LARS2: variants seen among roughly 807,000 people sequenced by gnomAD.
LARS2 encodes leucyl-tRNA synthetase 2, mitochondrial, also known as leucine--tRNA ligase, mitochondrial.
In LARS2, 81 loss-of-function variants were observed where a neutral mutation model predicts 116.6. That is an observed-to-expected ratio of 0.69 (90% CI 0.58 to 0.84). LARS2 has a LOEUF of 0.84. Ranked by LOEUF, LARS2 falls within the 40% of genes least tolerant of loss-of-function variation. The pLI, the probability that LARS2 is intolerant of heterozygous loss-of-function variation, is 0.00. For synonymous variants in LARS2, 396 were observed against 407.2 expected, an observed-to-expected ratio of 0.97 and a Z score of 0.33; for missense variants, 968 against 1,114.5, an observed-to-expected ratio of 0.87 and a Z score of 1.87.
At chr3:45,490,409 G>A (rs1380407078) in intron 12 of LARS2, among the ~76,000 whole-genome samples, 1 of 152,176 alleles carries the variant, frequency 6.6e-6, no homozygotes, top group African/African-American at 2.4e-5. Context: ...GCTCTAGGCT[G>A]AATATCTAGA....
rs772150626 is a variant in LARS2, at chr3:45,394,609, A to G, written c.156A>G (p.Thr52=). The change falls in exon 3 of 22, where the codon ACA becomes ACG. Residue 52 remains threonine, a synonymous_variant. Transcript: ENST00000645846. ...CGGGAAAGTGGACAAAAGAGTATACATTGCAGACAAGAAAGGATGTTGAGA... is the reference window on the plus strand; with the variant it reads ...CGGGAAAGTGGACAAAAGAGTATACGTTGCAGACAAGAAAGGATGTTGAGA... ...SATGKWTKEY[T]LQTRKDVEKW... 5 of 1,614,242 alleles carry G rather than the reference A, an allele frequency of 3.1e-6. No individual in the cohort carries two copies. The highest frequency in any genetic ancestry group is 1.6e-4 in the Middle Eastern group (1 of 6,062).
intron 6 of LARS2, among the ~76,000 whole-genome samples, chr3:45,437,163 A>G (rs1302690223): frequency 1.3e-5 from 2 of 152,234 alleles, no homozygotes; most frequent in African/African-American, 2.4e-5. Context: ...GAACATGAAC[A>G]TGAACCTGTC....
chr3:45,519,946 C>A (rs1448382074), intron 18 of LARS2, among the ~76,000 whole-genome samples: 1 of 152,092 alleles, frequency 6.6e-6, no homozygotes, highest in Non-Finnish European at 1.5e-5. Flanking sequence ...CTGTGCCCAG[C>A]CACTAGCACT....
rs1698012879 is a variant in LARS2 at position 45,394,612 on chromosome 3, G to A, written c.159G>A (p.Leu53=). 1 of 1,614,190 alleles carries A rather than the reference G, an allele frequency of 6.2e-7. No individual in the cohort carries two copies. The part of the protein sequence containing the change: ...ATGKWTKEYT[L]QTRKDVEKWW... The stretch of plus-strand genomic sequence containing the variant: ...GAAAGTGGACAAAAGAGTATACATT[G>A]CAGACAAGAAAGGATGTTGAGAAAT... The change falls in exon 3 of 22, where the codon TTG becomes TTA. Residue 53 remains leucine (L), a synonymous_variant. Transcript: ENST00000645846.
intron 7 of LARS2, among the ~76,000 whole-genome samples, chr3:45,455,417 A>G (rs922282972): frequency 2.0e-5 from 3 of 152,014 alleles, no homozygotes; most frequent in African/African-American, 4.8e-5. Context: ...TTAGTTGTGC[A>G]TGGGTTGTCT....
intron 8 of LARS2, among the ~76,000 whole-genome samples, chr3:45,469,702 T>C (rs183832389): frequency 1.3e-5 from 2 of 151,834 alleles, no homozygotes; most frequent in Non-Finnish European, 2.9e-5. Flanking sequence ...GGGACTAGAG[T>C]GCGAGAGAAA....
intron 6 of LARS2, among the ~76,000 whole-genome samples, chr3:45,439,462 G>A (rs753065310): frequency 1.2e-4 from 18 of 151,854 alleles, no homozygotes; most frequent in South Asian, 4.1e-4. Flanking sequence ...CTCGTGATCC[G>A]CCCACCTTGG....
chr3:45,493,332 C>T (rs1023221779), intron 13 of LARS2, among the ~76,000 whole-genome samples: 3 of 152,212 alleles, frequency 2.0e-5, no homozygotes, highest in African/African-American at 7.2e-5. Context: ...ATCTCCTGAC[C>T]TCGTGTTCTG....
intron 4 of LARS2, 86 bp from the exon 5 acceptor site, chr3:45,417,394 GGA>G (rs1004123407): frequency 2.1e-6 from 2 of 969,324 alleles, no homozygotes; most frequent in African/African-American, 3.2e-5. Flanking sequence ...CATGTTAGCA[GGA>G]GAGAGTGCTG....
At chr3:45,393,279 G>T (rs1559453381) in intron 2 of LARS2, among the ~76,000 whole-genome samples, 1 of 151,986 alleles carries the variant, frequency 6.6e-6, no homozygotes, top group Non-Finnish European at 1.5e-5. Context: ...TAAGTGCTAC[G>T]AAAGAAGGGA....
intron 6 of LARS2, among the ~76,000 whole-genome samples, chr3:45,429,201 G>T (rs1327439761): frequency 6.6e-6 from 1 of 152,170 alleles, no homozygotes; most frequent in Non-Finnish European, 1.5e-5. Flanking sequence ...GACAGTTTCT[G>T]TAGGTCAGAA....
intron 16 of LARS2, among the ~76,000 whole-genome samples, chr3:45,514,551 C>T (rs1293276335): frequency 1.3e-5 from 2 of 152,274 alleles, no homozygotes; most frequent in Middle Eastern, 3.4e-3. Context: ...AGAATTCAGC[C>T]TCACAGTTAG....
chr3:45,466,818 G>A (rs1699432893), intron 8 of LARS2, among the ~76,000 whole-genome samples: 1 of 152,134 alleles, frequency 6.6e-6, no homozygotes, highest in Admixed American at 6.5e-5. Flanking sequence ...CCAGATTCAA[G>A]TGATTCTCCT....
chr3:45,400,161 T>G, intron 3 of LARS2, 84 bp from the exon 4 acceptor site: 1 of 1,210,354 alleles, frequency 8.3e-7, no homozygotes. Context: ...AAATTATTAC[T>G]TTGTGTAAAA....
intron 20 of LARS2, among the ~76,000 whole-genome samples, chr3:45,527,220 T>C (rs536538782): frequency 6.6e-6 from 1 of 152,290 alleles, no homozygotes; most frequent in South Asian, 2.1e-4. Flanking sequence ...TGTTATATAA[T>C]GAATTTGGGC....
Position 45,458,891 on chromosome 3 carries a change from G to A in LARS2, c.750+5G>A. ...AAGACAACCGCTTATGCAAAGGTGA[G>A]TGTCAGCCTGGAGGCTCCCCACTAA... On this transcript the variant is annotated splice_donor_5th_base_variant and intron_variant, in intron 8 of 21. Coordinates refer to ENST00000645846, the MANE Select transcript of LARS2 (RefSeq NM_015340.4). 4 of 1,613,832 alleles carry A rather than the reference G, an allele frequency of 2.5e-6. No homozygotes were observed. The highest frequency in any genetic ancestry group is 2.2e-5 in the South Asian group (2 of 91,074).
intron 8 of LARS2, among the ~76,000 whole-genome samples, chr3:45,465,061 A>G (rs541855399): frequency 6.6e-6 from 1 of 152,058 alleles, no homozygotes; most frequent in East Asian, 1.9e-4. Context: ...CTATTCTCAG[A>G]CCAGTGCTGA....
chr3:45,448,474 G>T (rs932149730), intron 7 of LARS2, among the ~76,000 whole-genome samples: 2 of 152,154 alleles, frequency 1.3e-5, no homozygotes, highest in Non-Finnish European at 2.9e-5. Flanking sequence ...CCCTAACCCA[G>T]TAGCGCTAGA....
At chr3:45,524,377 C>G (rs1255184061) in intron 20 of LARS2, among the ~76,000 whole-genome samples, 1 of 152,200 alleles carries the variant, frequency 6.6e-6, no homozygotes, top group Non-Finnish European at 1.5e-5. Flanking sequence ...CTTCTCGTGA[C>G]TCAGCCCCCC....
Sources: gnomAD v4.1 joint callset for allele counts (sites outside exome capture counted in the v4.1 genomes callset) on GRCh38, gnomAD v4.1.1 for gene constraint, MANE v1.5 for transcripts, NCBI Gene and HGNC (gene_info 2026-07-23, HGNC 2026-07-21) for gene names.